RAB3GAP1: variants seen among roughly 807,000 people sequenced by gnomAD.
RAB3GAP1 encodes RAB3 GTPase activating protein catalytic subunit 1, also known as rab3 GTPase-activating protein catalytic subunit.
Under a neutral mutation model 130.7 loss-of-function variants are expected in RAB3GAP1, and 86 were observed. The observed-to-expected ratio is 0.66, with a 90% CI of 0.55 to 0.79. RAB3GAP1 has a LOEUF of 0.79. RAB3GAP1 is among the 30% of genes least tolerant of loss of function. The probability of loss-of-function intolerance (pLI) is 0.00; values close to 1 mark genes in which losing one functional copy is unlikely to be tolerated. For synonymous variants in RAB3GAP1, 367 were observed against 401.7 expected, an observed-to-expected ratio of 0.91 and a Z score of 1.03; for missense variants, 1,029 against 1,169.4, an observed-to-expected ratio of 0.88 and a Z score of 1.75.
intron 17 of RAB3GAP1, among the ~76,000 whole-genome samples, chr2:135,137,585 T>TG (rs1164235362): frequency 1.3e-5 from 2 of 152,164 alleles, no homozygotes; most frequent in Admixed American, 1.3e-4. Flanking sequence ...GAAGTGACCT[T>TG]GATGGACAGT....
At chr2:135,100,466 A>G (rs1041892127) in intron 5 of RAB3GAP1, among the ~76,000 whole-genome samples, 2 of 151,952 alleles carry the variant, frequency 1.3e-5, no homozygotes, top group East Asian at 1.9e-4. Context: ...CCTTTTTATT[A>G]TTTCAAATTC....
chr2:135,145,900 G>A (rs1691975933), intron 17 of RAB3GAP1, among the ~76,000 whole-genome samples: 3 of 152,152 alleles, frequency 2.0e-5, no homozygotes, highest in African/African-American at 7.2e-5. Flanking sequence ...TGGATTTTGT[G>A]TGGTATGTGA....
chr2:135,130,644 G>A lies in RAB3GAP1; in HGVS notation c.1159G>A (p.Ala387Thr), dbSNP rs1393495896. 1 of 1,613,670 alleles carries A rather than the reference G, an allele frequency of 6.2e-7. No homozygotes were observed. Among genetic ancestry groups the A allele is most frequent in the East Asian group, 2.2e-5 (1 of 44,848 alleles). Residue 387 changes from alanine (A) to threonine (T), a missense_variant, in exon 13 of 24, where the codon GCA becomes ACA. Coordinates refer to ENST00000264158, the MANE Select transcript of RAB3GAP1 (RefSeq NM_012233.3). ...KLSVSNMVHTAKKKIRKHRGV... is the reference protein window; with the variant it reads ...KLSVSNMVHTTKKKIRKHRGV... ...ATCAGTTTCAAATATGGTACACACT[G>A]CAAAGAAGAAAATCCGAAAACACAG...
At chr2:135,143,771 A>T (rs558670745) in intron 17 of RAB3GAP1, among the ~76,000 whole-genome samples, 1 of 152,048 alleles carries the variant, frequency 6.6e-6, no homozygotes, top group Non-Finnish European at 1.5e-5. Context: ...GTTAGCCAGG[A>T]TGGTCTCGAT....
chr2:135,153,563 T>G (rs1692230314), intron 18 of RAB3GAP1, 86 bp from the exon 19 acceptor site: 1 of 1,281,810 alleles, frequency 7.8e-7, no homozygotes, highest in South Asian at 1.2e-5. Flanking sequence ...AGATAGGCTT[T>G]TTTTGAAAAT....
intron 3 of RAB3GAP1, among the ~76,000 whole-genome samples, chr2:135,081,958 T>G (rs1358950901): frequency 6.6e-6 from 1 of 151,910 alleles, no homozygotes; most frequent in Non-Finnish European, 1.5e-5. Context: ...CTGGCCAACA[T>G]GGTAAAGCCC....
intron 5 of RAB3GAP1, among the ~76,000 whole-genome samples, chr2:135,100,080 T>C (rs1690409711): frequency 6.6e-6 from 1 of 152,178 alleles, no homozygotes; most frequent in African/African-American, 2.4e-5. Context: ...TGGGGCATTC[T>C]TGGACATAGC....
chr2:135,151,698 T>C (rs1310791909), intron 18 of RAB3GAP1, among the ~76,000 whole-genome samples: 1 of 152,190 alleles, frequency 6.6e-6, no homozygotes, highest in African/African-American at 2.4e-5. Context: ...GCCAGTTGGC[T>C]CTTGGGGCAC....
intron 4 of RAB3GAP1, among the ~76,000 whole-genome samples, chr2:135,093,173 T>C (rs1690192846): frequency 6.6e-6 from 1 of 152,206 alleles, no homozygotes; most frequent in African/African-American, 2.4e-5. Flanking sequence ...AAACATAGTT[T>C]AGAAGTGGGA....
intron 23 of RAB3GAP1, among the ~76,000 whole-genome samples, chr2:135,166,130 C>T (rs1297255883): frequency 6.6e-6 from 1 of 151,486 alleles, no homozygotes; most frequent in Non-Finnish European, 1.5e-5. Flanking sequence ...TGAGATCATG[C>T]CACTGCACTC....
At chr2:135,145,377 C>A (rs1207930876) in intron 17 of RAB3GAP1, among the ~76,000 whole-genome samples, 1 of 147,782 alleles carries the variant, frequency 6.8e-6, no homozygotes, top group Non-Finnish European at 1.5e-5. Context: ...TTCATACCAC[C>A]CCTCACCAAC....
intron 19 of RAB3GAP1, among the ~76,000 whole-genome samples, chr2:135,158,938 C>A (rs1692391610): frequency 6.6e-6 from 1 of 152,086 alleles, no homozygotes; most frequent in African/African-American, 2.4e-5. Flanking sequence ...GAGGAACATT[C>A]TATTTTAAAA....
chr2:135,166,133 C>A (rs1306955942), intron 23 of RAB3GAP1, among the ~76,000 whole-genome samples: 1 of 150,710 alleles, frequency 6.6e-6, no homozygotes, highest in Non-Finnish European at 1.5e-5. Context: ...GATCATGCCA[C>A]TGCACTCCGG....
rs139151631 is a variant in RAB3GAP1, at chr2:135,072,099, C to T, written c.150+14013C>T. ...GGCTACTTTGTTGTATTAGTAGAGA[C>T]GAGGTTTCACTGTGTTGACCAGGCT... On this transcript the variant is annotated intron_variant, in intron 3 of 23. Coordinates refer to ENST00000264158, the MANE Select transcript of RAB3GAP1 (RefSeq NM_012233.3). Among the ~76,000 whole-genome samples, 125 of 152,156 alleles carry T rather than the reference C, an allele frequency of 8.2e-4. 1 individual carries two copies. The East Asian group carries it at 0.014, about 17-fold the overall frequency.
At chr2:135,058,717 A>G (rs1689088935) in intron 3 of RAB3GAP1, 1 of 152,342 alleles carries the variant, frequency 6.6e-6, no homozygotes, top group South Asian at 2.1e-4. Context: ...CCAAATGTTT[A>G]CTGAAGAATG....
chr2:135,163,813 T>C (rs1485349918), intron 22 of RAB3GAP1, among the ~76,000 whole-genome samples: 1 of 152,254 alleles, frequency 6.6e-6, no homozygotes. Flanking sequence ...ATAAATGGCA[T>C]TATTGATGCT....
chr2:135,136,063 C>G (rs902178900), intron 17 of RAB3GAP1, 131 bp downstream of exon 17: 2 of 1,231,490 alleles, frequency 1.6e-6, no homozygotes, highest in East Asian at 4.9e-5. Flanking sequence ...CGGTGGCTTA[C>G]GCCTGTAATC....
intron 5 of RAB3GAP1, among the ~76,000 whole-genome samples, chr2:135,110,340 G>C (rs62170179): frequency 0.042 from 6,389 of 152,068 alleles, 158 homozygotes; most frequent in African/African-American, 0.056. Flanking sequence ...TTGCTATGTT[G>C]CCTAGGCTGG....
chr2:135,078,358 CTTTTAACAGTTAGATA>C (rs1377254836), intron 3 of RAB3GAP1, among the ~76,000 whole-genome samples: 1 of 151,878 alleles, frequency 6.6e-6, no homozygotes, highest in Non-Finnish European at 1.5e-5. Flanking sequence ...AGGATTTTTT[CTTTTAACAGTTAGATA>C]TTCTACTTAG....
Sources: allele counts gnomAD v4.1 joint callset (sites outside exome capture counted in the v4.1 genomes callset), GRCh38; gene constraint gnomAD v4.1.1; transcripts MANE v1.5; gene names NCBI Gene and HGNC (gene_info 2026-07-23, HGNC 2026-07-21).